ELP1: variants seen among roughly 807,000 people sequenced by gnomAD.
ELP1 encodes elongator complex protein 1.
Under a neutral mutation model 183.2 loss-of-function variants are expected in ELP1, and 131 were observed. That is an observed-to-expected ratio of 0.72 (90% CI 0.62 to 0.83). ELP1 has a LOEUF of 0.83. ELP1 is among the 40% of genes least tolerant of loss of function. The pLI is 0.00. For synonymous variants in ELP1, 555 were observed against 569.0 expected, an observed-to-expected ratio of 0.98 and a Z score of 0.35; for missense variants, 1,550 against 1,594.9, an observed-to-expected ratio of 0.97 and a Z score of 0.48.
intron 1 of ELP1, among the ~76,000 whole-genome samples, chr9:108,932,455 C>T (rs1299692214): frequency 6.6e-6 from 1 of 152,172 alleles, no homozygotes; most frequent in African/African-American, 2.4e-5. Flanking sequence ...GATTCTCCTG[C>T]CTCAGCCTCC....
chr9:108,894,290 C>A (rs999774494), intron 25 of ELP1, among the ~76,000 whole-genome samples: 2 of 152,192 alleles, frequency 1.3e-5, no homozygotes, highest in African/African-American at 2.4e-5. Context: ...TCCAAGCATA[C>A]CCCAGTCCTA....
Position 108,904,544 on chromosome 9 carries a change from AG to A in ELP1, c.1644-876del, listed in dbSNP as rs1183201227. Among the ~76,000 whole-genome samples the A allele has an allele frequency of 2.2e-4, 33 of 152,366 alleles. 1 individual carries two copies. The highest frequency in any genetic ancestry group is 2.1e-3 in the Admixed American group (32 of 15,304). On this transcript the variant is annotated intron_variant, in intron 14 of 36. Coordinates refer to ENST00000374647, the MANE Select transcript of ELP1 (RefSeq NM_003640.5). Reference sequence around the variant, plus strand: ...CAAAAAAACTAAACATTATAACAATAGGGAATTCCTCTACAAATGCTTCAAA... The same window carrying A: ...CAAAAAAACTAAACATTATAACAATAGGAATTCCTCTACAAATGCTTCAAA...
rs200590656 is a variant in ELP1, at chr9:108,896,546, C to T, written c.2686G>A (p.Gly896Ser). 9.3e-6 allele frequency: 15 copies of T among 1,614,014 alleles called. No homozygotes were observed. The East Asian group carries it at 2.9e-4, about 31-fold the overall frequency. Residue 896 changes from glycine (G) to serine (S), a missense_variant, in exon 25 of 37, where the codon GGC (glycine) becomes AGC (serine). Coordinates refer to ENST00000374647, the MANE Select transcript of ELP1 (RefSeq NM_003640.5). ...DVNELYDHSLGTYDFDLVLMV... is the reference protein window; with the variant it reads ...DVNELYDHSLSTYDFDLVLMV... ...AGGACCAAATCAAAGTCATAGGTGC[C>T]AAGAGAATGATCATATAATTCATTA...
chr9:108,931,807 A>C (rs551289074), intron 1 of ELP1, among the ~76,000 whole-genome samples: 1 of 152,364 alleles, frequency 6.6e-6, no homozygotes, highest in African/African-American at 2.4e-5. Flanking sequence ...CCAACATTTC[A>C]AGGACCCTGA....
chr9:108,915,485 A>C (rs754732233), intron 10 of ELP1, among the ~76,000 whole-genome samples: 4 of 152,210 alleles, frequency 2.6e-5, no homozygotes, highest in Non-Finnish European at 5.9e-5. Flanking sequence ...TGTAACAGAA[A>C]TCCTCCCTAA....
chr9:108,916,920 C>A lies in ELP1; in HGVS notation c.865-623G>T, dbSNP rs560066759. 2.0e-5 allele frequency among the ~76,000 whole-genome samples: 3 copies of A among 152,160 alleles called. No homozygotes were observed. In the South Asian group the frequency reaches 6.2e-4, roughly 32 times the overall value. ...AGCAAGAATCTTAATGGTATACAAA[C>A]CACTTAAGATTTAAATGTTATAAAT... On this transcript the variant is annotated intron_variant, in intron 9 of 36. Coordinates refer to ENST00000374647, the MANE Select transcript of ELP1 (RefSeq NM_003640.5).
rs575882711 is a variant in ELP1 at position 108,876,275 on chromosome 9, A to C, written c.3856-1305T>G. On this transcript the variant is annotated intron_variant, in intron 35 of 36. Coordinates refer to ENST00000374647, the MANE Select transcript of ELP1 (RefSeq NM_003640.5). ...CAACAGAGTGAGACCCTGTCTCAAA[A>C]AACAAAAACAATTATCTTCAAAAGT... Among the ~76,000 whole-genome samples the C allele has an allele frequency of 3.3e-4, 51 of 152,326 alleles. 1 individual carries two copies. The South Asian group carries it at 8.1e-3, about 24-fold the overall frequency.
At chr9:108,879,704 G>C in intron 32 of ELP1, 147 bp from the exon 33 acceptor site, 1 of 710,976 alleles carries the variant, frequency 1.4e-6, no homozygotes, top group East Asian at 2.7e-5. Context: ...CAAAATGAAT[G>C]AGATAATATT....
intron 5 of ELP1, among the ~76,000 whole-genome samples, chr9:108,923,316 G>A (rs906866417): frequency 1.3e-5 from 2 of 152,200 alleles, no homozygotes; most frequent in African/African-American, 2.4e-5. Context: ...AGGCTGCAGT[G>A]AGCCCTGATT....
At chr9:108,906,895 C>T (rs1055427303) in intron 13 of ELP1, among the ~76,000 whole-genome samples, 1 of 152,186 alleles carries the variant, frequency 6.6e-6, no homozygotes, top group African/African-American at 2.4e-5. Context: ...ATTAAACTGA[C>T]TGACTAGCTT....
At chr9:108,881,127 T>C (rs1827913668) in intron 31 of ELP1, among the ~76,000 whole-genome samples, 1 of 152,206 alleles carries the variant, frequency 6.6e-6, no homozygotes, top group South Asian at 2.1e-4. Flanking sequence ...AGGTAACTTT[T>C]AAAAAATACT....
At chr9:108,925,188 C>T (rs1025624718) in intron 5 of ELP1, among the ~76,000 whole-genome samples, 13 of 152,128 alleles carry the variant, frequency 8.5e-5, no homozygotes, top group South Asian at 2.1e-4. Flanking sequence ...TATGCCATCA[C>T]GAGCCATCTT....
chr9:108,886,058 C>T lies in ELP1; in HGVS notation c.3222+3274G>A, dbSNP rs527551334. On this transcript the variant is annotated intron_variant, in intron 29 of 36. Transcript: ENST00000374647. ...AGTGCCAGGACTCTCAATGCAAATACTGTTACAAGAGCATGACTAACAGGG... is the reference window on the plus strand; with the variant it reads ...AGTGCCAGGACTCTCAATGCAAATATTGTTACAAGAGCATGACTAACAGGG... 2.0e-5 allele frequency among the ~76,000 whole-genome samples: 3 copies of T among 152,334 alleles called. 1 individual carries two copies. Among genetic ancestry groups the T allele is most frequent in the African/African-American group, 7.2e-5 (3 of 41,580 alleles).
At chr9:108,891,883 G>C (rs769843160) in intron 27 of ELP1, among the ~76,000 whole-genome samples, 1 of 152,136 alleles carries the variant, frequency 6.6e-6, no homozygotes, top group Non-Finnish European at 1.5e-5. Context: ...ACCAGGCAGA[G>C]GGCAGAGAAG....
At chr9:108,932,612 G>C (rs1830035716) in intron 1 of ELP1, among the ~76,000 whole-genome samples, 1 of 152,072 alleles carries the variant, frequency 6.6e-6, no homozygotes, top group African/African-American at 2.4e-5. Flanking sequence ...AAAGTGCTGG[G>C]ATTACAGGCC....
At chr9:108,895,408 A>G (rs1385624135) in intron 25 of ELP1, among the ~76,000 whole-genome samples, 1 of 152,166 alleles carries the variant, frequency 6.6e-6, no homozygotes, top group Non-Finnish European at 1.5e-5. Context: ...AGTGAGAATT[A>G]GCCAGGGGAA....
chr9:108,896,984 T>G lies in ELP1; in HGVS notation c.2556A>C (p.Glu852Asp). Reference sequence around the variant, plus strand: ...GCTCGTGTACTTTTTGCAGTACAATTTCCAGTTCTGGGGTTGTCTTCTTTA... The same window carrying G: ...GCTCGTGTACTTTTTGCAGTACAATGTCCAGTTCTGGGGTTGTCTTCTTTA... ...SHVKKTTPEL[E>D]IVLQKVHELQ... The change falls in exon 24 of 37, where the codon GAA (glutamate) becomes GAC (aspartate). Residue 852 changes from glutamate to aspartate, a missense_variant. Physicochemically the swap from Glu to Asp is conservative, Grantham distance 45 (BLOSUM62 2). Transcript: ENST00000374647. 1 of 1,614,156 alleles carries G rather than the reference T, an allele frequency of 6.2e-7. No homozygotes were observed. Among genetic ancestry groups the G allele is most frequent in the Non-Finnish European group, 8.5e-7 (1 of 1,180,006 alleles).
rs770772147 is a variant in ELP1 at position 108,891,373 on chromosome 9, A to G, written c.2990T>C (p.Met997Thr). 3.1e-6 allele frequency: 5 copies of G among 1,613,834 alleles called. No individual in the cohort carries two copies. Among genetic ancestry groups the G allele is most frequent in the Non-Finnish European group, 4.2e-6 (5 of 1,180,034 alleles). Residue 997 changes from methionine to threonine, a missense_variant, in exon 28 of 37, where the codon ATG becomes ACG. Physicochemically the swap from Met to Thr is moderately conservative, Grantham distance 81. Transcript: ENST00000374647. ...DISIAYGEHL[M>T]QEHMYEPAGL... Reference sequence around the variant, plus strand: ...CGCTGGCTCATACATGTGCTCCTGCATCAGGTGCTCCCCATAAGCAATGCT... The same window carrying G: ...CGCTGGCTCATACATGTGCTCCTGCGTCAGGTGCTCCCCATAAGCAATGCT...
At position 108,901,504 on chromosome 9, in the gene ELP1, T is replaced by C. The variant is rs2131992030; in HGVS notation, c.1935A>G (p.Ala645=). The C allele has an allele frequency of 6.2e-7, 1 of 1,614,070 alleles. No homozygotes were observed. The highest frequency in any genetic ancestry group is 8.5e-7 in the Non-Finnish European group (1 of 1,179,950). ...TCAACAATAAAAACTCATCATATAC[T>C]GCAAATGACGTGATATTTGACGCAA... ...IEVASNITSF[A]VYDEFLLLTT... Residue 645 remains alanine, a synonymous_variant, in exon 18 of 37, where the codon GCA becomes GCG. Transcript: ENST00000374647.
Sources: gnomAD v4.1 joint callset for allele counts (sites outside exome capture counted in the v4.1 genomes callset) on GRCh38, gnomAD v4.1.1 for gene constraint, MANE v1.5 for transcripts, NCBI Gene and HGNC (gene_info 2026-07-23, HGNC 2026-07-21) for gene names.